The following CDKN2B-AS1 variants were observed in gnomAD, a reference collection of about 807,000 sequenced individuals.
CDKN2B-AS1 encodes the protein CDKN2B and CDKN2A antisense cis and trans regulatory RNA 1.
Position 21,999,813 on chromosome 9 carries a change from C to T in CDKN2B-AS1, n.29+4652C>T, listed in dbSNP as rs559907257. 5.3e-5 allele frequency among the ~76,000 whole-genome samples: 8 copies of T among 152,060 alleles called. No individual in the cohort carries two copies. The highest frequency in any genetic ancestry group is 1.2e-4 in the Non-Finnish European group (8 of 67,988). ...AACAATAATGAAGCACATCTATATG[C>T]ACTGACAATGGAAGTTGTCAAAGAT... On this transcript the variant is annotated intron_variant and non_coding_transcript_variant, in intron 1 of 4. Coordinates refer to ENST00000650946, the Ensembl canonical transcript of CDKN2B-AS1. This position sits in a 1 kb window ranked among gnomAD's most constrained non-coding sequence, Gnocchi z 4.7.
intron 4 of CDKN2B-AS1, among the ~76,000 whole-genome samples, chr9:22,094,182 G>T (rs1381225169): frequency 1.4e-5 from 2 of 144,266 alleles, no homozygotes; most frequent in Non-Finnish European, 2.9e-5. Context: ...TCTACCGAGA[G>T]ATCAGCTGTT....
intron 1 of CDKN2B-AS1, chr9:22,046,714 T>C (rs1563944609): frequency 6.6e-6 from 1 of 152,194 alleles, no homozygotes; most frequent in Non-Finnish European, 1.5e-5. Flanking sequence ...AACCAAAGGA[T>C]TAATTAACAT....
chr9:22,012,712 T>C (rs1020809006), intron 1 of CDKN2B-AS1, among the ~76,000 whole-genome samples: 1 of 152,142 alleles, frequency 6.6e-6, no homozygotes, highest in Non-Finnish European at 1.5e-5. Flanking sequence ...TTGCATATGA[T>C]TAGGACTAAG....
intron 1 of CDKN2B-AS1, chr9:22,008,709 T>C (rs1248350479): frequency 1.2e-6 from 2 of 1,611,416 alleles, no homozygotes; most frequent in Non-Finnish European, 1.7e-6. Context: ...CAAATCTACA[T>C]CGGCGATCTA....
At chr9:22,080,544 A>G (rs1409244179) in intron 4 of CDKN2B-AS1, among the ~76,000 whole-genome samples, 1 of 152,242 alleles carries the variant, frequency 6.6e-6, no homozygotes, top group Non-Finnish European at 1.5e-5. Flanking sequence ...AGTGAAGCCC[A>G]TCAGGGAGAA....
At chr9:22,036,104 G>A (rs1164420524) in intron 1 of CDKN2B-AS1, among the ~76,000 whole-genome samples, 1 of 152,024 alleles carries the variant, frequency 6.6e-6, no homozygotes, top group African/African-American at 2.4e-5. Flanking sequence ...GAAGAATAAA[G>A]ACAAATGAGA....
chr9:22,088,604 T>G (rs1324018787), intron 4 of CDKN2B-AS1, among the ~76,000 whole-genome samples: 3 of 152,226 alleles, frequency 2.0e-5, no homozygotes, highest in African/African-American at 7.2e-5. Context: ...AAACATGGTT[T>G]TGAATATTTC....
At chr9:22,080,528 A>C (rs1304862443) in intron 4 of CDKN2B-AS1, among the ~76,000 whole-genome samples, 1 of 152,218 alleles carries the variant, frequency 6.6e-6, no homozygotes, top group African/African-American at 2.4e-5. Flanking sequence ...TTTACAGATG[A>C]GTTCTAGTGA....
intron 4 of CDKN2B-AS1, among the ~76,000 whole-genome samples, chr9:22,108,070 C>T (rs7855190): frequency 0.022 from 3,302 of 152,240 alleles, 63 homozygotes; most frequent in African/African-American, 0.046. Flanking sequence ...AAAGAAGTTG[C>T]TGTGACTTTG....
chr9:22,050,712 C>A (rs567777147), intron 3 of CDKN2B-AS1, among the ~76,000 whole-genome samples: 1 of 152,302 alleles, frequency 6.6e-6, no homozygotes, highest in East Asian at 1.9e-4. Context: ...TTTCTAATAA[C>A]CACCTCAGGC....
intron 4 of CDKN2B-AS1, among the ~76,000 whole-genome samples, chr9:22,081,585 G>T (rs1379432761): frequency 6.6e-6 from 1 of 152,202 alleles, no homozygotes; most frequent in African/African-American, 2.4e-5. Flanking sequence ...GTGGGTCTGA[G>T]CACAGCATGC....
intron 4 of CDKN2B-AS1, among the ~76,000 whole-genome samples, chr9:22,081,485 C>T (rs1250612204): frequency 2.6e-5 from 4 of 152,144 alleles, no homozygotes; most frequent in Non-Finnish European, 5.9e-5. Flanking sequence ...ACTTGAGTCA[C>T]CTAAGTTCTT....
intron 4 of CDKN2B-AS1, among the ~76,000 whole-genome samples, chr9:22,075,697 A>T (rs1217465936): frequency 6.6e-6 from 1 of 152,206 alleles, no homozygotes; most frequent in African/African-American, 2.4e-5. Context: ...AGAAAGGAAC[A>T]GGGTGATGGT....
chr9:22,071,600 T>G (rs1824298645), intron 4 of CDKN2B-AS1, among the ~76,000 whole-genome samples: 1 of 152,114 alleles, frequency 6.6e-6, no homozygotes, highest in Non-Finnish European at 1.5e-5. Context: ...GGGTATTTCT[T>G]TCTGGGACTG....
At chr9:22,099,755 A>G (rs890175218) in intron 4 of CDKN2B-AS1, among the ~76,000 whole-genome samples, 1 of 151,928 alleles carries the variant, frequency 6.6e-6, no homozygotes, top group Admixed American at 6.6e-5. Context: ...AGTAAAAAAA[A>G]GGAATGTGCA....
rs1822235267 is a variant in CDKN2B-AS1 at position 22,026,273 on chromosome 9, C to G, written n.30-20478C>G. Among the ~76,000 whole-genome samples, 5 of 151,534 alleles carry G rather than the reference C, an allele frequency of 3.3e-5. No individual in the cohort carries two copies. The South Asian group carries it at 1.0e-3, about 32-fold the overall frequency. ...GCTCTGTCCCAGGGAGTTTTCAGAT[C>G]TCTGTCAGCTGGAGAACACTGGCAG... On this transcript the variant is annotated intron_variant and non_coding_transcript_variant, in intron 1 of 4. Transcript: ENST00000650946.
At chr9:22,003,808 T>C in intron 1 of CDKN2B-AS1, 1 of 232,356 alleles carries the variant, frequency 4.3e-6, no homozygotes, top group Non-Finnish European at 8.5e-6. Flanking sequence ...ACAAACCGTT[T>C]ATATTTACTA....
In CDKN2B-AS1 at chr9:22,009,079, C is replaced by A. The variant is rs922079383; in HGVS notation, n.29+13918C>A. 2.1e-5 allele frequency: 29 copies of A among 1,399,410 alleles called. No homozygotes were observed. In the African/African-American group the frequency reaches 2.8e-4, roughly 14 times the overall value. 86.7% of individuals were successfully genotyped at this position (1,399,410 alleles called of 1,614,324 possible). ...TCCTTCCTAGGAGACCTGGGCTCAG[C>A]TTCATTACCCTCCCGTCGTCCTTCT... On this transcript the variant is annotated intron_variant and non_coding_transcript_variant, in intron 1 of 4. Coordinates refer to ENST00000650946, the Ensembl canonical transcript of CDKN2B-AS1.
intron 4 of CDKN2B-AS1, among the ~76,000 whole-genome samples, chr9:22,078,377 G>A (rs777925878): frequency 1.3e-4 from 20 of 151,740 alleles, no homozygotes; most frequent in Non-Finnish European, 2.1e-4. Context: ...GTTTTGTTGC[G>A]CTTTCTGAAA....
Sources: gnomAD v4.1 joint callset for allele counts (sites outside exome capture counted in the v4.1 genomes callset) on GRCh38, gnomAD v4.1.1 for gene constraint, Gnocchi (gnomAD v3.1) non-coding constraint, MANE v1.5 for transcripts, NCBI Gene and HGNC (gene_info 2026-07-23, HGNC 2026-07-21) for gene names.